The following DNAJC5 variants were observed in gnomAD, a reference collection of about 807,000 sequenced individuals.
DNAJC5 encodes dnaJ homolog subfamily C member 5.
DNAJC5 carries 1 observed loss-of-function variant against 23.2 expected under a neutral mutation model. The observed-to-expected ratio is 0.04, with a 90% CI of 0.02 to 0.20. The LOEUF (loss-of-function observed/expected upper bound fraction) is 0.20, where lower values mean the gene tolerates loss of function less well. Among genes scored for constraint, DNAJC5 ranks in the 10% least tolerant of loss-of-function variants. The probability of loss-of-function intolerance (pLI) is 1.00; values close to 1 mark genes in which losing one functional copy is unlikely to be tolerated. For synonymous variants in DNAJC5, 136 were observed against 120.0 expected, an observed-to-expected ratio of 1.13 and a Z score of -0.87; for missense variants, 180 against 267.0, an observed-to-expected ratio of 0.67 and a Z score of 2.27.
intron 3 of DNAJC5, 131 bp from the exon 4 acceptor site, chr20:63,930,720 C>G: frequency 1.4e-6 from 2 of 1,419,462 alleles, no homozygotes; most frequent in Non-Finnish European, 2.0e-6. Flanking sequence ...TTTCCTTCTG[C>G]TTCCTGTCTG....
intron 1 of DNAJC5, among the ~76,000 whole-genome samples, chr20:63,916,457 C>T (rs1320189272): frequency 1.3e-5 from 2 of 152,060 alleles, no homozygotes; most frequent in Non-Finnish European, 2.9e-5. Flanking sequence ...GGAGGGGGTG[C>T]AAGAACAGGG....
chr20:63,918,680 C>T (rs181173173), intron 1 of DNAJC5, among the ~76,000 whole-genome samples: 10 of 152,336 alleles, frequency 6.6e-5, no homozygotes, highest in African/African-American at 2.4e-4. Flanking sequence ...ACGGCAAGCT[C>T]TACCTCCCAG....
intron 1 of DNAJC5, among the ~76,000 whole-genome samples, chr20:63,909,463 A>G (rs2146279153): frequency 6.6e-6 from 1 of 152,328 alleles, no homozygotes; most frequent in South Asian, 2.1e-4. Flanking sequence ...AGATGGCGCC[A>G]CTGCACTGCA....
chr20:63,916,892 T>G (rs1159857823), intron 1 of DNAJC5, among the ~76,000 whole-genome samples: 1 of 152,234 alleles, frequency 6.6e-6, no homozygotes, highest in Non-Finnish European at 1.5e-5. Context: ...TGGCTGTATT[T>G]TGCCTGACCA....
At chr20:63,903,612 C>G (rs1346403223) in intron 1 of DNAJC5, among the ~76,000 whole-genome samples, 1 of 151,952 alleles carries the variant, frequency 6.6e-6, no homozygotes, top group Non-Finnish European at 1.5e-5. Context: ...CGGCCCATCT[C>G]AAACTTTTAA....
At chr20:63,900,193 GTTGGTC>G (rs1156292435) in intron 1 of DNAJC5, among the ~76,000 whole-genome samples, 7 of 151,992 alleles carry the variant, frequency 4.6e-5, no homozygotes, top group African/African-American at 1.4e-4. Flanking sequence ...CCAGCCCCAA[GTTGGTC>G]TTGAGCTCCT....
At chr20:63,914,029 G>A (rs536308430) in intron 1 of DNAJC5, among the ~76,000 whole-genome samples, 1 of 152,260 alleles carries the variant, frequency 6.6e-6, no homozygotes, top group East Asian at 1.9e-4. Context: ...ACCATCTTGG[G>A]GGGACCACAG....
chr20:63,903,204 C>A (rs916862236), intron 1 of DNAJC5, among the ~76,000 whole-genome samples: 7 of 151,834 alleles, frequency 4.6e-5, no homozygotes, highest in African/African-American at 1.7e-4. Flanking sequence ...TGGGCTCGAT[C>A]CTCCTGCCTC....
chr20:63,931,111 G>T lies in DNAJC5; in HGVS notation c.493+89G>T. Reference sequence around the variant, plus strand: ...TGTCAACCTGTCTTGTCAAACAGGAGGGCACTGACACTGTGCCGCGAGTGT... The same window carrying T: ...TGTCAACCTGTCTTGTCAAACAGGATGGCACTGACACTGTGCCGCGAGTGT... On this transcript the variant is annotated intron_variant, in intron 4 of 4. Transcript: ENST00000360864. The surrounding 1 kb of genome is among the most constrained non-coding windows in gnomAD (Gnocchi z 9.6). The T allele has an allele frequency of 7.2e-7, 1 of 1,381,168 alleles. No individual in the cohort carries two copies. The highest frequency in any genetic ancestry group is 1.0e-6 in the Non-Finnish European group (1 of 986,970). The allele number at this position is 1,381,168 out of a possible 1,614,324, so 85.6% of individuals were successfully genotyped here. A position where few individuals can be genotyped will look rare whatever the true frequency, so the allele number is the denominator to read the frequency against.
At chr20:63,899,900 T>TG (rs2053400788) in intron 1 of DNAJC5, among the ~76,000 whole-genome samples, 1 of 143,154 alleles carries the variant, frequency 7.0e-6, no homozygotes, top group Admixed American at 7.0e-5. Context: ...TTTTTTTTTT[T>TG]GGTTGGGGGA....
At chr20:63,909,326 G>A (rs566231911) in intron 1 of DNAJC5, among the ~76,000 whole-genome samples, 3 of 150,450 alleles carry the variant, frequency 2.0e-5, no homozygotes, top group South Asian at 2.1e-4. Flanking sequence ...GTGAAACCCC[G>A]TCTCTACTAA....
chr20:63,921,435 C>CA (rs1196108804), intron 1 of DNAJC5, among the ~76,000 whole-genome samples: 4 of 151,726 alleles, frequency 2.6e-5, no homozygotes, highest in Admixed American at 2.6e-4. Context: ...ACTAAAACTG[C>CA]AAAAAATTAG....
At chr20:63,910,285 C>G (rs2053474406) in intron 1 of DNAJC5, among the ~76,000 whole-genome samples, 1 of 151,976 alleles carries the variant, frequency 6.6e-6, no homozygotes, top group Admixed American at 6.6e-5. Context: ...TGGCTCACGC[C>G]TGTGGTCCCA....
At chr20:63,926,901 C>T (rs1237822747) in intron 1 of DNAJC5, among the ~76,000 whole-genome samples, 1 of 152,148 alleles carries the variant, frequency 6.6e-6, no homozygotes, top group Non-Finnish European at 1.5e-5. Flanking sequence ...TGAAATTAAC[C>T]GTCATGTACA....
intron 1 of DNAJC5, among the ~76,000 whole-genome samples, chr20:63,916,333 G>A (rs2053515493): frequency 6.6e-6 from 1 of 152,230 alleles, no homozygotes; most frequent in South Asian, 2.1e-4. Flanking sequence ...AAGAGAAAGA[G>A]TACAAAGAGA....
intron 1 of DNAJC5, among the ~76,000 whole-genome samples, chr20:63,911,127 G>A (rs2053480451): frequency 6.6e-6 from 1 of 152,194 alleles, no homozygotes; most frequent in African/African-American, 2.4e-5. Flanking sequence ...AATTAATGCA[G>A]CAAACATTCA....
At chr20:63,925,299 T>C (rs2053603285) in intron 1 of DNAJC5, among the ~76,000 whole-genome samples, 1 of 152,048 alleles carries the variant, frequency 6.6e-6, no homozygotes, top group African/African-American at 2.4e-5. Flanking sequence ...TCCTGGTCAA[T>C]GTGGTGAAAC....
chr20:63,900,702 C>T (rs1464336258), intron 1 of DNAJC5, among the ~76,000 whole-genome samples: 1 of 151,206 alleles, frequency 6.6e-6, no homozygotes, highest in Non-Finnish European at 1.5e-5. Context: ...TGAATGGTTT[C>T]AAAAAACTTA....
At position 63,920,582 on chromosome 20, in the gene DNAJC5, T is replaced by G. The variant is rs769408056; in HGVS notation, c.-11-7753T>G. ...GTGCGGTCTTGTCTGCCTAGGCATG[T>G]GTGCGGGCCCTGGGGCTGCTGCCAG... On this transcript the variant is annotated intron_variant, in intron 1 of 4. Transcript: ENST00000360864. The surrounding 1 kb of genome is among the most constrained non-coding windows in gnomAD (Gnocchi z 4.6). Among the ~76,000 whole-genome samples the G allele has an allele frequency of 1.3e-5, 2 of 152,268 alleles. No individual in the cohort carries two copies. The highest frequency in any genetic ancestry group is 2.9e-5 in the Non-Finnish European group (2 of 68,048).
Sources: gnomAD v4.1 joint callset for allele counts (sites outside exome capture counted in the v4.1 genomes callset) on GRCh38, gnomAD v4.1.1 for gene constraint, Gnocchi (gnomAD v3.1) non-coding constraint, MANE v1.5 for transcripts, NCBI Gene and HGNC (gene_info 2026-07-23, HGNC 2026-07-21) for gene names.